The following DCT variants were observed in gnomAD, a reference collection of about 807,000 sequenced individuals.
The protein encoded by DCT is dopachrome tautomerase, also known as L-dopachrome tautomerase.
DCT carries 47 observed loss-of-function variants against 53.0 expected under a neutral mutation model. That is an observed-to-expected ratio of 0.89 (90% confidence interval 0.70 to 1.13). DCT has a LOEUF of 1.13. Among genes scored for constraint, DCT ranks in the 50% most tolerant of loss-of-function variants. The probability of loss-of-function intolerance (pLI) is 0.00; values close to 1 mark genes in which losing one functional copy is unlikely to be tolerated. For missense variants in DCT, 669 were observed against 637.4 expected (o/e 1.05, Z -0.53); for synonymous variants, 244 against 237.0 (o/e 1.03, Z -0.27).
the DCT span, among the ~76,000 whole-genome samples, chr13:94,514,239 C>G: frequency 6.6e-6 from 1 of 152,048 alleles, no homozygotes; most frequent in Non-Finnish European, 1.5e-5. Context: ...GATGTCGTAA[C>G]AACAGTCCAA....
chr13:94,514,924 G>A, the DCT span, among the ~76,000 whole-genome samples: 1 of 152,186 alleles, frequency 6.6e-6, no homozygotes, highest in Admixed American at 6.5e-5. Flanking sequence ...TTGCCCAAAT[G>A]CATATGCTGA....
the DCT span, among the ~76,000 whole-genome samples, chr13:94,494,029 T>A: frequency 1.3e-5 from 2 of 152,222 alleles, no homozygotes; most frequent in Admixed American, 1.3e-4. Context: ...TTTTTTTAAA[T>A]GTTTAGAGAT....
chr13:94,436,867 CT>C lies in DCT; in HGVS notation c.*3030del, dbSNP rs1190840103. On this transcript the variant is annotated 3_prime_UTR_variant, in exon 8 of 8. Coordinates refer to ENST00000377028, the MANE Select transcript of DCT (RefSeq NM_001922.5). The stretch of plus-strand genomic sequence containing the variant: ...TCATTCAAAGAATATTTATAAAATA[CT>C]CAGGATAAGTAAGGCACTATAGAAA... 2 of 152,150 alleles carry C rather than the reference CT, an allele frequency of 1.3e-5. No individual in the cohort carries two copies. The highest frequency in any genetic ancestry group is 3.8e-4 in the East Asian group (2 of 5,198). 9.4% of individuals were successfully genotyped at this position (152,150 alleles called of 1,614,324 possible).
At chr13:94,507,168 T>C in the DCT span, among the ~76,000 whole-genome samples, 1 of 152,144 alleles carries the variant, frequency 6.6e-6, no homozygotes, top group African/African-American at 2.4e-5. Context: ...AAAACTCAAA[T>C]AAGATCTCCG....
At chr13:94,461,905 T>C (rs1481099335) in intron 5 of DCT, 105 bp downstream of exon 5, 2 of 963,878 alleles carry the variant, frequency 2.1e-6, no homozygotes, top group African/African-American at 3.3e-5. Flanking sequence ...ATCACTTAGC[T>C]TCGTAGACAA....
At chr13:94,540,027 A>T in the DCT span, among the ~76,000 whole-genome samples, 1 of 152,210 alleles carries the variant, frequency 6.6e-6, no homozygotes, top group African/African-American at 2.4e-5. Context: ...GCAGAGGGGA[A>T]CTTAGAGCTA....
chr13:94,531,718 G>A, the DCT span, among the ~76,000 whole-genome samples: 1 of 152,088 alleles, frequency 6.6e-6, no homozygotes, highest in East Asian at 1.9e-4. Flanking sequence ...TACCATTCAG[G>A]ACATAGGCAT....
At chr13:94,517,689 G>A in the DCT span, among the ~76,000 whole-genome samples, 1 of 152,138 alleles carries the variant, frequency 6.6e-6, no homozygotes, top group Non-Finnish European at 1.5e-5. Context: ...CAAATCACAA[G>A]TGTCCTTATA....
At chr13:94,500,498 T>G in the DCT span, among the ~76,000 whole-genome samples, 5 of 152,164 alleles carry the variant, frequency 3.3e-5, no homozygotes, top group South Asian at 1.0e-3. Context: ...CAAAATGAGA[T>G]TTGGGTGGGG....
chr13:94,516,727 C>T, the DCT span, among the ~76,000 whole-genome samples: 19 of 152,140 alleles, frequency 1.2e-4, no homozygotes, highest in African/African-American at 4.3e-4. Flanking sequence ...TCCACCCCCC[C>T]TCACCATGTG....
Position 94,479,229 on chromosome 13 carries a change from C to G in DCT, c.27G>C (p.Leu9=), listed in dbSNP as rs746041194. Residue 9 remains leucine, a synonymous_variant, in exon 1 of 8, where the codon CTG becomes CTC. Transcript: ENST00000377028. The part of the protein sequence containing the change: MSPLWWGF[L]LSCLGCKILP... ...GGATTTTGCAGCCCAAGCAACTGAGCAGAAACCCCCACCAAAGGGGGCTCA... is the reference window on the plus strand; with the variant it reads ...GGATTTTGCAGCCCAAGCAACTGAGGAGAAACCCCCACCAAAGGGGGCTCA... 2 of 1,594,136 alleles carry G rather than the reference C, an allele frequency of 1.3e-6. No homozygotes were observed. The highest frequency in any genetic ancestry group is 2.7e-5 in the African/African-American group (2 of 74,586).
At chr13:94,510,269 C>T in the DCT span, among the ~76,000 whole-genome samples, 1 of 152,278 alleles carries the variant, frequency 6.6e-6, no homozygotes, top group African/African-American at 2.4e-5. Context: ...TATAATTGGA[C>T]TAGGGTGCAT....
At chr13:94,482,257 G>A (rs1164199429), upstream of DCT, among the ~76,000 whole-genome samples, 1 of 152,176 alleles carries the variant, frequency 6.6e-6, no homozygotes, top group Non-Finnish European at 1.5e-5. Context: ...TGGATAGTTT[G>A]AGAACTAGCT....
the DCT span, among the ~76,000 whole-genome samples, chr13:94,515,873 A>G: frequency 1.3e-5 from 2 of 152,192 alleles, no homozygotes; most frequent in Non-Finnish European, 2.9e-5. Context: ...TGATACACAC[A>G]TCCAGATAAC....
intron 6 of DCT, among the ~76,000 whole-genome samples, chr13:94,458,295 C>A (rs1405701368): frequency 6.6e-6 from 1 of 152,154 alleles, no homozygotes; most frequent in African/African-American, 2.4e-5. Flanking sequence ...CAAGCCCAAA[C>A]CCTTTCTGTC....
the DCT span, among the ~76,000 whole-genome samples, chr13:94,525,609 G>A: frequency 3.9e-5 from 6 of 152,296 alleles, no homozygotes; most frequent in Admixed American, 1.3e-4. Context: ...TTTGCAGGAG[G>A]TTGTGCCTCA....
the DCT span, among the ~76,000 whole-genome samples, chr13:94,488,382 T>C: frequency 6.6e-6 from 1 of 152,090 alleles, no homozygotes; most frequent in South Asian, 2.1e-4. Flanking sequence ...GGTTTATAGA[T>C]GTACAATTTA....
At chr13:94,526,985 G>T in the DCT span, among the ~76,000 whole-genome samples, 1 of 152,136 alleles carries the variant, frequency 6.6e-6, no homozygotes, top group East Asian at 1.9e-4. Context: ...TGCCTGGCTC[G>T]GTGGGTGCCA....
chr13:94,491,430 C>A, the DCT span, among the ~76,000 whole-genome samples: 2 of 151,810 alleles, frequency 1.3e-5, no homozygotes, highest in Admixed American at 1.3e-4. Context: ...TCCAGTATGA[C>A]CTCATCTTAA....
Sources: allele counts gnomAD v4.1 joint callset (sites outside exome capture counted in the v4.1 genomes callset), GRCh38; gene constraint gnomAD v4.1.1; transcripts MANE v1.5; gene names NCBI Gene and HGNC (gene_info 2026-07-23, HGNC 2026-07-21).